TRAPPC9: variants seen among roughly 807,000 people sequenced by gnomAD.
TRAPPC9 encodes IKK2 binding protein.
TRAPPC9 carries 83 observed loss-of-function variants against 124.0 expected under a neutral mutation model. The ratio of observed to expected loss-of-function variants is 0.67; its 90% CI spans 0.56 to 0.80. The LOEUF (loss-of-function observed/expected upper bound fraction) is 0.80, where lower values mean the gene tolerates loss of function less well. TRAPPC9 is among the 30% of genes least tolerant of loss of function. The pLI is 0.00. For synonymous variants in TRAPPC9, 638 were observed against 617.5 expected (o/e 1.03, Z -0.49); for missense variants, 1,302 against 1,508.3 (o/e 0.86, Z 2.27).
At chr8:140,172,151 C>T (rs758809957) in intron 17 of TRAPPC9, among the ~76,000 whole-genome samples, 2 of 152,164 alleles carry the variant, frequency 1.3e-5, no homozygotes, top group Non-Finnish European at 2.9e-5. Context: ...GAAGGGCAGG[C>T]AGAGGCTGTG....
intron 2 of TRAPPC9, among the ~76,000 whole-genome samples, chr8:140,450,318 G>A (rs912810384): frequency 3.9e-5 from 6 of 152,168 alleles, no homozygotes; most frequent in South Asian, 2.1e-4. Context: ...CCAAGATCGC[G>A]CCACTGCACT....
At chr8:140,424,516 G>A (rs1016941945) in intron 5 of TRAPPC9, among the ~76,000 whole-genome samples, 1 of 151,746 alleles carries the variant, frequency 6.6e-6, no homozygotes, top group Non-Finnish European at 1.5e-5. Flanking sequence ...CACACCTGTA[G>A]TCCCAGCTAC....
At chr8:140,232,037 G>C (rs901519957) in intron 16 of TRAPPC9, among the ~76,000 whole-genome samples, 21 of 152,000 alleles carry the variant, frequency 1.4e-4, no homozygotes, top group African/African-American at 4.8e-4. Flanking sequence ...GCCTCCTAAA[G>C]TGCTGGGATT....
intron 21 of TRAPPC9, among the ~76,000 whole-genome samples, chr8:139,748,012 C>G (rs2035093): frequency 2.5e-3 from 49 of 19,880 alleles, no homozygotes; most frequent in Admixed American, 4.2e-3. Context: ...GCAAGTGTCA[C>G]AGCAGGTTGG....
chr8:139,729,881 T>C lies in TRAPPC9; in HGVS notation c.*1180A>G, dbSNP rs1485064077. Among the ~76,000 whole-genome samples, 8 of 152,288 alleles carry C rather than the reference T, an allele frequency of 5.3e-5. No individual in the cohort carries two copies. In the East Asian group the frequency reaches 1.2e-3, roughly 22 times the overall value. ...GGAGTTTCAGTGCCCAACGGGCACC[T>C]GACGAGCCTGGTATCTGCTGGGGAC... On this transcript the variant is annotated 3_prime_UTR_variant, in exon 23 of 23. Coordinates refer to ENST00000438773, the MANE Select transcript of TRAPPC9 (RefSeq NM_001160372.4).
intron 19 of TRAPPC9, chr8:139,913,843 T>A (rs1831920551): frequency 6.6e-6 from 1 of 152,268 alleles, no homozygotes; most frequent in African/African-American, 2.4e-5. Flanking sequence ...AATACCTCTA[T>A]CCACCTCTAA....
intron 21 of TRAPPC9, among the ~76,000 whole-genome samples, chr8:139,747,044 A>T (rs1296371583): frequency 6.6e-6 from 1 of 152,258 alleles, no homozygotes; most frequent in Non-Finnish European, 1.5e-5. Context: ...TGGAAGCATT[A>T]TGCAAAGACA....
At chr8:139,945,709 A>G (rs544837082) in intron 19 of TRAPPC9, among the ~76,000 whole-genome samples, 2 of 152,326 alleles carry the variant, frequency 1.3e-5, no homozygotes. Context: ...GCTCACCAGG[A>G]TGAAGCTCAT....
chr8:140,118,199 G>A lies in TRAPPC9; in HGVS notation c.2557-94120C>T, dbSNP rs2060924880. Among the ~76,000 whole-genome samples, 4 of 152,336 alleles carry A rather than the reference G, an allele frequency of 2.6e-5. No individual in the cohort carries two copies. The South Asian group carries it at 8.3e-4, about 32-fold the overall frequency. On this transcript the variant is annotated intron_variant, in intron 17 of 22. Transcript: ENST00000438773. ...ATACCGAGGAGCAAGACCCCAGTGG[G>A]TACAGCACCCACAGAACAGACCAGC...
chr8:140,033,703 A>G (rs1840697807), intron 17 of TRAPPC9, among the ~76,000 whole-genome samples: 1 of 28,804 alleles, frequency 3.5e-5, no homozygotes, highest in Non-Finnish European at 1.3e-4. Context: ...TTTTTTTGAG[A>G]CAGAGTCTCG....
intron 21 of TRAPPC9, among the ~76,000 whole-genome samples, chr8:139,843,962 A>G (rs1195615538): frequency 6.6e-6 from 1 of 152,188 alleles, no homozygotes; most frequent in Non-Finnish European, 1.5e-5. Flanking sequence ...CTCCCCATAC[A>G]GTGCTCTCTA....
chr8:140,061,191 T>C (rs1842588732), intron 17 of TRAPPC9, among the ~76,000 whole-genome samples: 1 of 152,230 alleles, frequency 6.6e-6, no homozygotes, highest in East Asian at 1.9e-4. Context: ...GGCCAACATT[T>C]GGTTTCACAC....
At chr8:140,300,088 A>C (rs2065921880) in intron 11 of TRAPPC9, among the ~76,000 whole-genome samples, 1 of 152,212 alleles carries the variant, frequency 6.6e-6, no homozygotes. Context: ...CCTTATATGA[A>C]ATAAATTTTT....
chr8:140,002,348 C>A (rs1838458204), intron 18 of TRAPPC9, among the ~76,000 whole-genome samples: 2 of 152,072 alleles, frequency 1.3e-5, no homozygotes, highest in South Asian at 4.1e-4. Context: ...GAAGTATATG[C>A]AGTGCTCAGA....
intron 19 of TRAPPC9, among the ~76,000 whole-genome samples, chr8:139,983,249 C>G (rs918614619): frequency 2.6e-5 from 4 of 152,216 alleles, no homozygotes; most frequent in African/African-American, 9.6e-5. Context: ...GAACCTGCAG[C>G]CTCCAGAATC....
intron 21 of TRAPPC9, among the ~76,000 whole-genome samples, chr8:139,858,201 C>G (rs1046324790): frequency 6.6e-6 from 1 of 152,244 alleles, no homozygotes; most frequent in Non-Finnish European, 1.5e-5. Context: ...AGGACTAACT[C>G]TTTAAACAAC....
Position 140,252,205 on chromosome 8 carries a change from TAA to T in TRAPPC9, c.2431+570_2431+571del, listed in dbSNP as rs1232108058. ...CATGCCCGACGAATTTTTGTATTGTTAATAGAGACAGGATTTCACCATGTTGT... is the reference window on the plus strand; with the variant it reads ...CATGCCCGACGAATTTTTGTATTGTTTAGAGACAGGATTTCACCATGTTGT... On this transcript the variant is annotated intron_variant, in intron 16 of 22. Transcript: ENST00000438773. This position sits in a 1 kb window ranked among gnomAD's most constrained non-coding sequence, Gnocchi z 4.2. Among the ~76,000 whole-genome samples the T allele has an allele frequency of 1.3e-5, 2 of 152,072 alleles. No individual in the cohort carries two copies. Among genetic ancestry groups the T allele is most frequent in the African/African-American group, 2.4e-5 (1 of 41,404 alleles).
chr8:140,405,473 GAAAT>G (rs1167626521), intron 6 of TRAPPC9, 100 bp downstream of exon 6: 2 of 1,290,360 alleles, frequency 1.5e-6, no homozygotes, highest in Non-Finnish European at 2.2e-6. Context: ...AATACTTACA[GAAAT>G]AAATAATTAA....
intron 17 of TRAPPC9, among the ~76,000 whole-genome samples, chr8:140,212,264 C>A (rs547957839): frequency 6.6e-6 from 1 of 152,336 alleles, no homozygotes; most frequent in African/African-American, 2.4e-5. Flanking sequence ...GAGGAAGCTC[C>A]ATCCTGTTTC....
Sources: gnomAD v4.1 joint callset for allele counts (sites outside exome capture counted in the v4.1 genomes callset) on GRCh38, gnomAD v4.1.1 for gene constraint, Gnocchi (gnomAD v3.1) non-coding constraint, MANE v1.5 for transcripts, NCBI Gene and HGNC (gene_info 2026-07-23, HGNC 2026-07-21) for gene names.